ANKIB1: variants seen among roughly 807,000 people sequenced by gnomAD.
The protein encoded by ANKIB1 is ankyrin repeat and IBR domain-containing protein 1.
A neutral mutation model predicts 122.1 loss-of-function variants in ANKIB1; 43 were observed. The observed-to-expected ratio is 0.35, with a 90% confidence interval of 0.28 to 0.45. ANKIB1 has a LOEUF of 0.45. ANKIB1 is among the 20% of genes least tolerant of loss of function. The probability of loss-of-function intolerance (pLI) is 1.00; values close to 1 mark genes in which losing one functional copy is unlikely to be tolerated. For missense variants in ANKIB1, 992 were observed against 1,329.5 expected (o/e 0.75, Z 3.95); for synonymous variants, 390 against 442.0 (o/e 0.88, Z 1.48).
At chr7:92,288,951 T>A (rs1802193205) in intron 1 of ANKIB1, among the ~76,000 whole-genome samples, 1 of 152,242 alleles carries the variant, frequency 6.6e-6, no homozygotes, top group Non-Finnish European at 1.5e-5. Flanking sequence ...AAAACCAATT[T>A]GGTGGTTTCT....
intron 1 of ANKIB1, among the ~76,000 whole-genome samples, chr7:92,249,654 A>T (rs1215603576): frequency 6.6e-6 from 1 of 151,722 alleles, no homozygotes; most frequent in Non-Finnish European, 1.5e-5. Flanking sequence ...TGGGAGGTGG[A>T]GGTTGCAGTG....
At chr7:92,296,137 A>C (rs1802351555) in intron 2 of ANKIB1, among the ~76,000 whole-genome samples, 1 of 152,140 alleles carries the variant, frequency 6.6e-6, no homozygotes, top group Admixed American at 6.5e-5. Flanking sequence ...ACATGCCGTG[A>C]GGTTTCTGTC....
intron 4 of ANKIB1, among the ~76,000 whole-genome samples, chr7:92,321,409 C>T (rs1381609771): frequency 6.6e-6 from 1 of 152,114 alleles, no homozygotes; most frequent in African/African-American, 2.4e-5. Context: ...GGACCTATCA[C>T]ATGCTATAAT....
At chr7:92,299,654 AAG>A (rs1446703371) in intron 2 of ANKIB1, among the ~76,000 whole-genome samples, 51 of 152,356 alleles carry the variant, frequency 3.3e-4, no homozygotes, top group Admixed American at 3.3e-3. Flanking sequence ...TAGACATTAA[AAG>A]AGATTTGTAA....
intron 2 of ANKIB1, among the ~76,000 whole-genome samples, chr7:92,300,521 G>A (rs2131926641): frequency 6.6e-6 from 1 of 152,008 alleles, no homozygotes; most frequent in South Asian, 2.1e-4. Context: ...AATTTATTTA[G>A]ATAGTACAGA....
chr7:92,315,969 A>G (rs552214793), intron 3 of ANKIB1, among the ~76,000 whole-genome samples: 66 of 152,276 alleles, frequency 4.3e-4, no homozygotes, highest in Middle Eastern at 3.4e-3. Context: ...GGGTGATCAA[A>G]GGGATGGGGT....
At chr7:92,298,652 C>T (rs1315705024) in intron 2 of ANKIB1, among the ~76,000 whole-genome samples, 1 of 151,278 alleles carries the variant, frequency 6.6e-6, no homozygotes, top group Admixed American at 6.6e-5. Flanking sequence ...TTGGCATTTG[C>T]AGTGGCAGGA....
At chr7:92,268,405 C>G (rs974987293) in intron 1 of ANKIB1, among the ~76,000 whole-genome samples, 2 of 152,114 alleles carry the variant, frequency 1.3e-5, no homozygotes, top group Admixed American at 1.3e-4. Flanking sequence ...GTATTTTTTG[C>G]AAAATCAGTG....
intron 5 of ANKIB1, among the ~76,000 whole-genome samples, chr7:92,336,857 T>C (rs1803301265): frequency 6.6e-6 from 1 of 152,186 alleles, no homozygotes; most frequent in African/African-American, 2.4e-5. Flanking sequence ...TCTAGTGTCC[T>C]CAGATAGTTG....
intron 1 of ANKIB1, among the ~76,000 whole-genome samples, chr7:92,287,940 G>A (rs1802167253): frequency 6.6e-6 from 1 of 151,632 alleles, no homozygotes; most frequent in Non-Finnish European, 1.5e-5. Flanking sequence ...GGAGGCTGAG[G>A]CAGGAGAATG....
At chr7:92,262,528 T>G (rs1801586873) in intron 1 of ANKIB1, among the ~76,000 whole-genome samples, 1 of 152,124 alleles carries the variant, frequency 6.6e-6, no homozygotes, top group African/African-American at 2.4e-5. Context: ...GTTAATCAAA[T>G]GGAGAAATGT....
At position 92,398,767 on chromosome 7, in the gene ANKIB1, A is replaced by C. The variant is rs1356750370; in HGVS notation, c.3088A>C (p.Ser1030Arg). ...EDSMFEDASV[S>R]EGRGTQIEEN... ...TTCAATGTTTGAAGATGCCAGTGTC[A>C]GTGAAGGTAGAGGAACCCAGATAGA... The change falls in exon 20 of 20, where the codon AGT becomes CGT. Residue 1030 changes from serine (S) to arginine (R), a missense_variant. Physicochemically the swap from Ser to Arg is moderately radical, Grantham distance 110. Around this residue, in one of 4 missense-constraint regions of ANKIB1, gnomAD observed 384 missense variants for 412.0 expected, o/e 0.93. Transcript: ENST00000265742. The C allele has an allele frequency of 1.1e-5, 18 of 1,613,250 alleles. No individual in the cohort carries two copies. Among genetic ancestry groups the C allele is most frequent in the Non-Finnish European group, 1.5e-5 (18 of 1,179,654 alleles).
At chr7:92,338,933 AATATATATATATATATATATAT>A (rs1164398513) in intron 5 of ANKIB1, among the ~76,000 whole-genome samples, 1 of 21,918 alleles carries the variant, frequency 4.6e-5, no homozygotes, top group Non-Finnish European at 8.0e-5. Flanking sequence ...AAAAAAAAAA[AATATATATATATATATATATAT>A]ATATATATAT....
chr7:92,390,476 A>G lies in ANKIB1; in HGVS notation c.2052+360A>G, dbSNP rs376343630. 2.6e-5 allele frequency among the ~76,000 whole-genome samples: 4 copies of G among 152,308 alleles called. 1 individual carries two copies. On this transcript the variant is annotated intron_variant, in intron 15 of 19. Transcript: ENST00000265742. ...ACCCACATTACCTATAAGATGAGAA[A>G]GTTGCTGTTTACCAGTTTATTTTTG... is the stretch of plus-strand genomic sequence containing the variant.
chr7:92,398,163 A>C lies in ANKIB1; in HGVS notation c.2533-49A>C, dbSNP rs377306583. The C allele has an allele frequency of 1.2e-4, 180 of 1,518,254 alleles. 1 individual carries two copies. Among genetic ancestry groups the C allele is most frequent in the Non-Finnish European group, 3.3e-5 (37 of 1,137,770 alleles). 94.0% of individuals were successfully genotyped at this position (1,518,254 alleles called of 1,614,324 possible). A position where few individuals can be genotyped will look rare whatever the true frequency, so the allele number is the denominator to read the frequency against. Reference sequence around the variant, plus strand: ...ATGGTAAACCTGATTGAGTTAAATCAGTTTTTTTCAGTCAAATTTTAAAGT... The same window carrying C: ...ATGGTAAACCTGATTGAGTTAAATCCGTTTTTTTCAGTCAAATTTTAAAGT... On this transcript the variant is annotated intron_variant, in intron 19 of 19. Transcript: ENST00000265742.
chr7:92,345,137 T>G (rs1803513270), intron 7 of ANKIB1, 71 bp downstream of exon 7: 1 of 1,150,488 alleles, frequency 8.7e-7, no homozygotes, highest in Non-Finnish European at 1.3e-6. Context: ...AATTGTTTGC[T>G]TTCAGTATTT....
intron 9 of ANKIB1, among the ~76,000 whole-genome samples, chr7:92,361,815 GT>G (rs1400887262): frequency 6.2e-4 from 87 of 140,580 alleles, no homozygotes; most frequent in Middle Eastern, 3.8e-3. Flanking sequence ...TACTTTTTTT[GT>G]TTTTTTTTTT....
chr7:92,278,484 C>G (rs925977754), intron 1 of ANKIB1, among the ~76,000 whole-genome samples: 4 of 152,120 alleles, frequency 2.6e-5, no homozygotes, highest in African/African-American at 9.7e-5. Context: ...ATTTCCTATG[C>G]CTCCCTAGGT....
intron 7 of ANKIB1, among the ~76,000 whole-genome samples, chr7:92,349,574 T>C (rs1466246982): frequency 6.6e-6 from 1 of 152,196 alleles, no homozygotes; most frequent in Admixed American, 6.5e-5. Flanking sequence ...TCCATTTATT[T>C]TCTCTAGATT....
Sources: allele counts gnomAD v4.1 joint callset (sites outside exome capture counted in the v4.1 genomes callset), GRCh38; gene constraint gnomAD v4.1.1; regional missense constraint gnomAD v4.1.1; transcripts MANE v1.5; gene names NCBI Gene and HGNC (gene_info 2026-07-23, HGNC 2026-07-21).